RIPOR2: variants seen among roughly 807,000 people sequenced by gnomAD.
The protein encoded by RIPOR2 is RHO family interacting cell polarization regulator 2, also known as rho family-interacting cell polarization regulator 2.
In RIPOR2, 39 loss-of-function variants were observed where a neutral mutation model predicts 114.5. That is an observed-to-expected ratio of 0.34 (90% CI 0.26 to 0.44). The LOEUF (loss-of-function observed/expected upper bound fraction) is 0.44, where lower values mean the gene tolerates loss of function less well. Ranked by LOEUF, RIPOR2 falls within the 20% of genes least tolerant of loss-of-function variation. RIPOR2 has a pLI of 1.00. For missense variants in RIPOR2, 1,007 were observed against 1,255.1 expected, an observed-to-expected ratio of 0.80 and a Z score of 2.99; for synonymous variants, 445 against 484.4, an observed-to-expected ratio of 0.92 and a Z score of 1.07.
At chr6:24,819,454 T>A (rs1759467921) in intron 19 of RIPOR2, among the ~76,000 whole-genome samples, 1 of 151,864 alleles carries the variant, frequency 6.6e-6, no homozygotes, top group East Asian at 1.9e-4. Flanking sequence ...GTTTGAGATT[T>A]GCTGAGTTTG....
intron 1 of RIPOR2, among the ~76,000 whole-genome samples, chr6:24,923,797 G>A (rs753631872): frequency 3.9e-5 from 6 of 152,020 alleles, no homozygotes; most frequent in Non-Finnish European, 7.4e-5. Flanking sequence ...GCAGAGAGCC[G>A]AGATAGCACT....
rs1309464103 is a variant in RIPOR2 at position 24,873,768 on chromosome 6, G to C, written c.220C>G (p.Leu74Val). 1 of 1,612,418 alleles carries C rather than the reference G, an allele frequency of 6.2e-7. No individual in the cohort carries two copies. Among genetic ancestry groups the C allele is most frequent in the Admixed American group, 1.7e-5 (1 of 59,586 alleles). ...TTCAGTTTGGCCTGAGGCTTCTTGA[G>C]AGCGGAGGAATTTTCAATGAAGGAG... Reference protein sequence around the residue: ...CNSFIENSSALKKPQAKLKKM... With the variant: ...CNSFIENSSAVKKPQAKLKKM... The change falls in exon 3 of 22, where the codon CTC (leucine) becomes GTC (valine). Residue 74 changes from leucine to valine, a missense_variant. Leu to Val is a conservative substitution (Grantham distance 32). Transcript: ENST00000643898.
intron 1 of RIPOR2, among the ~76,000 whole-genome samples, chr6:24,948,572 C>A (rs1360808529): frequency 6.6e-6 from 1 of 151,064 alleles, no homozygotes; most frequent in Non-Finnish European, 1.5e-5. Flanking sequence ...GCTCTTGTTG[C>A]CCAGGCTGGA....
chr6:24,869,227 T>C (rs1418375054), intron 5 of RIPOR2, 80 bp from the exon 6 acceptor site: 9 of 667,388 alleles, frequency 1.3e-5, no homozygotes, highest in Non-Finnish European at 2.4e-5. Flanking sequence ...CTTGATTATA[T>C]CATACTCAAA....
At chr6:24,914,588 A>G (rs990958) in intron 1 of RIPOR2, among the ~76,000 whole-genome samples, 118,415 of 152,116 alleles carry the variant, frequency 0.78, 46,942 homozygotes, top group African/African-American at 0.93. Flanking sequence ...CATAAAACAA[A>G]GTGTTTGAAC....
chr6:24,964,204 G>A (rs1177439522), intron 1 of RIPOR2, among the ~76,000 whole-genome samples: 2 of 148,182 alleles, frequency 1.3e-5, no homozygotes, highest in East Asian at 2.0e-4. Flanking sequence ...CACCAGATGC[G>A]TAGGTCCCTG....
chr6:24,984,205 C>T (rs968199305), intron 1 of RIPOR2, among the ~76,000 whole-genome samples: 3 of 152,208 alleles, frequency 2.0e-5, no homozygotes, highest in African/African-American at 7.2e-5. Flanking sequence ...GAAGAGACCA[C>T]CAAACAGGCT....
At chr6:24,996,890 A>C (rs542475115) in intron 1 of RIPOR2, among the ~76,000 whole-genome samples, 19 of 152,368 alleles carry the variant, frequency 1.2e-4, no homozygotes, top group Admixed American at 1.2e-3. Flanking sequence ...CCTAGCACAT[A>C]GCATAATGGA....
intron 14 of RIPOR2, among the ~76,000 whole-genome samples, chr6:24,836,315 T>C (rs1761104042): frequency 6.6e-6 from 1 of 152,176 alleles, no homozygotes; most frequent in South Asian, 2.1e-4. Context: ...GATCAACTGC[T>C]ACTTGAATAA....
intron 1 of RIPOR2, among the ~76,000 whole-genome samples, chr6:24,994,207 A>C (rs1355627416): frequency 2.0e-5 from 3 of 152,072 alleles, no homozygotes; most frequent in African/African-American, 7.2e-5. Flanking sequence ...GGACTCTTTG[A>C]GACTGAGGAA....
chr6:24,860,858 G>C, intron 8 of RIPOR2, 115 bp downstream of exon 8: 1 of 656,078 alleles, frequency 1.5e-6, no homozygotes, highest in South Asian at 1.9e-5. Context: ...GGTTGAGAGT[G>C]GGTGGCGCTG....
intron 14 of RIPOR2, among the ~76,000 whole-genome samples, chr6:24,837,778 T>A (rs964467907): frequency 6.6e-6 from 1 of 152,142 alleles, no homozygotes; most frequent in Non-Finnish European, 1.5e-5. Context: ...AGATTGCTTA[T>A]GGGGTAAATT....
intron 19 of RIPOR2, among the ~76,000 whole-genome samples, chr6:24,821,478 C>T (rs550779841): frequency 8.5e-5 from 13 of 152,322 alleles, no homozygotes; most frequent in African/African-American, 2.9e-4. Flanking sequence ...GCCACAGTGC[C>T]CAGCTCTGTG....
At chr6:24,917,960 T>C (rs1342185575) in intron 1 of RIPOR2, among the ~76,000 whole-genome samples, 3 of 152,272 alleles carry the variant, frequency 2.0e-5, no homozygotes, top group African/African-American at 7.2e-5. Flanking sequence ...TTATTTATTC[T>C]GTGTCCCTGG....
intron 1 of RIPOR2, among the ~76,000 whole-genome samples, chr6:24,987,713 A>G (rs775769472): frequency 6.6e-6 from 1 of 152,204 alleles, no homozygotes; most frequent in African/African-American, 2.4e-5. Flanking sequence ...TTGTGTCCCT[A>G]TGTATAAATG....
intron 1 of RIPOR2, among the ~76,000 whole-genome samples, chr6:24,997,998 A>C (rs890472719): frequency 6.6e-6 from 1 of 152,190 alleles, no homozygotes; most frequent in Non-Finnish European, 1.5e-5. Flanking sequence ...GCACTGGAGC[A>C]ATCAAAAAAG....
At chr6:24,920,471 T>G (rs1328830059) in intron 1 of RIPOR2, among the ~76,000 whole-genome samples, 2 of 152,220 alleles carry the variant, frequency 1.3e-5, no homozygotes, top group Admixed American at 6.5e-5. Flanking sequence ...CCCTCTGATC[T>G]TTCCTTAAAT....
intron 1 of RIPOR2, among the ~76,000 whole-genome samples, chr6:24,988,159 T>C (rs936988592): frequency 2.0e-5 from 3 of 152,168 alleles, no homozygotes; most frequent in African/African-American, 7.2e-5. Context: ...GACCACACTA[T>C]GGTTAATGTT....
intron 1 of RIPOR2, among the ~76,000 whole-genome samples, chr6:24,884,778 C>T (rs1222667613): frequency 6.6e-6 from 1 of 152,210 alleles, no homozygotes; most frequent in Non-Finnish European, 1.5e-5. Flanking sequence ...CAGGAGACTA[C>T]TTGGACATGT....
Sources: allele counts gnomAD v4.1 joint callset (sites outside exome capture counted in the v4.1 genomes callset), GRCh38; gene constraint gnomAD v4.1.1; transcripts MANE v1.5; gene names NCBI Gene and HGNC (gene_info 2026-07-23, HGNC 2026-07-21).